Variants in CPPED1 observed in about 807,000 individuals in gnomAD.
CPPED1 encodes the protein calcineurin like phosphoesterase domain containing 1.
Under a neutral mutation model 28.0 loss-of-function variants are expected in CPPED1, and 28 were observed. The observed-to-expected ratio is 1.00, with a 90% CI of 0.74 to 1.37. The LOEUF (loss-of-function observed/expected upper bound fraction) is 1.37, where lower values mean the gene tolerates loss of function less well. Ranked by LOEUF, CPPED1 falls within the 40% of genes most tolerant of loss-of-function variation. The pLI, the probability that CPPED1 is intolerant of heterozygous loss-of-function variation, is 0.00. For synonymous variants in CPPED1, 198 were observed against 180.2 expected, an observed-to-expected ratio of 1.10 and a Z score of -0.79; for missense variants, 504 against 416.5, an observed-to-expected ratio of 1.21 and a Z score of -1.83.
At chr16:12,730,085 C>T (rs2080189519) in intron 2 of CPPED1, among the ~76,000 whole-genome samples, 1 of 152,142 alleles carries the variant, frequency 6.6e-6, no homozygotes, top group South Asian at 2.1e-4. Context: ...TGGTTTCAAA[C>T]TCTTGGCCTG....
chr16:12,678,140 C>A (rs1003447551), intron 3 of CPPED1, among the ~76,000 whole-genome samples: 10 of 152,126 alleles, frequency 6.6e-5, no homozygotes, highest in Admixed American at 4.6e-4. Context: ...AAATAAAAAT[C>A]AAAAAACAGT....
At chr16:12,787,405 C>CTTTTTTTTT (rs57802112) in intron 1 of CPPED1, among the ~76,000 whole-genome samples, 2 of 140,868 alleles carry the variant, frequency 1.4e-5, no homozygotes, top group Non-Finnish European at 3.1e-5. Context: ...ATTTTTCTTT[C>CTTTTTTTTT]TTTTTTTTTT....
At chr16:12,684,738 A>C (rs1369926633) in intron 3 of CPPED1, among the ~76,000 whole-genome samples, 1 of 152,148 alleles carries the variant, frequency 6.6e-6, no homozygotes, top group Non-Finnish European at 1.5e-5. Context: ...GAGCTCCTTA[A>C]GGGCAGAGGC....
intron 2 of CPPED1, among the ~76,000 whole-genome samples, chr16:12,777,903 C>CTTTT (rs67527035): frequency 1.2e-4 from 15 of 126,598 alleles, no homozygotes; most frequent in East Asian, 4.7e-4. Context: ...TTTCTATTTT[C>CTTTT]TTTTTTTTTT....
At chr16:12,768,751 C>T (rs1174672460) in intron 2 of CPPED1, among the ~76,000 whole-genome samples, 1 of 152,138 alleles carries the variant, frequency 6.6e-6, no homozygotes, top group Admixed American at 6.5e-5. Flanking sequence ...GAGGTATTAA[C>T]AACCCCCTTG....
At chr16:12,735,302 AT>A (rs1466216535) in intron 2 of CPPED1, among the ~76,000 whole-genome samples, 3 of 152,064 alleles carry the variant, frequency 2.0e-5, no homozygotes, top group African/African-American at 7.2e-5. Context: ...AAATATATAT[AT>A]TTTTTTTAGA....
At chr16:12,692,738 C>T (rs1244528617) in intron 3 of CPPED1, among the ~76,000 whole-genome samples, 1 of 152,210 alleles carries the variant, frequency 6.6e-6, no homozygotes, top group Non-Finnish European at 1.5e-5. Flanking sequence ...CTGTTCATCT[C>T]CTGCACTTTT....
intron 1 of CPPED1, among the ~76,000 whole-genome samples, chr16:12,783,189 G>C (rs2080542599): frequency 6.6e-6 from 1 of 152,200 alleles, no homozygotes; most frequent in African/African-American, 2.4e-5. Flanking sequence ...CAGATTAAGA[G>C]TGAGGCAACG....
chr16:12,770,238 C>T (rs574238367), intron 2 of CPPED1, among the ~76,000 whole-genome samples: 35 of 152,124 alleles, frequency 2.3e-4, no homozygotes, highest in African/African-American at 6.8e-4. Context: ...GTGCAAATGG[C>T]GCTGAGGCAG....
chr16:12,723,226 G>C (rs1239721779), intron 2 of CPPED1, among the ~76,000 whole-genome samples: 1 of 152,172 alleles, frequency 6.6e-6, no homozygotes, highest in Non-Finnish European at 1.5e-5. Flanking sequence ...TCCCCTAACA[G>C]AGCAGTGGGC....
chr16:12,725,620 C>T (rs1472607531), intron 2 of CPPED1, among the ~76,000 whole-genome samples: 2 of 152,036 alleles, frequency 1.3e-5, no homozygotes, highest in Non-Finnish European at 2.9e-5. Flanking sequence ...CCAGCACAGC[C>T]ACAGAAGGTC....
At chr16:12,736,945 C>G (rs934787955) in intron 2 of CPPED1, among the ~76,000 whole-genome samples, 2 of 151,996 alleles carry the variant, frequency 1.3e-5, no homozygotes, top group African/African-American at 4.8e-5. Flanking sequence ...ATCCCAGCAC[C>G]TTGGGAGGCC....
chr16:12,708,721 C>T (rs2141189725), intron 2 of CPPED1, among the ~76,000 whole-genome samples: 2 of 152,342 alleles, frequency 1.3e-5, no homozygotes, highest in South Asian at 4.1e-4. Context: ...GGGTTACGTA[C>T]TATATTAACA....
rs962221829 is a variant in CPPED1 at position 12,663,863 on chromosome 16, G to A, written c.*1023C>T. On this transcript the variant is annotated 3_prime_UTR_variant, in exon 4 of 4. Transcript: ENST00000381774. Reference sequence around the variant, plus strand: ...CTGCTGAGAAGATGCGGTAAAACAGGTTACATAAAAAACAATGCTGGTTTG... The same window carrying A: ...CTGCTGAGAAGATGCGGTAAAACAGATTACATAAAAAACAATGCTGGTTTG... 1.3e-5 allele frequency: 2 copies of A among 152,160 alleles called. No individual in the cohort carries two copies. The highest frequency in any genetic ancestry group is 4.8e-5 in the African/African-American group (2 of 41,422). The allele number at this position is 152,160 out of a possible 1,614,324, so 9.4% of individuals were successfully genotyped here. A position where few individuals can be genotyped will look rare whatever the true frequency, so the allele number is the denominator to read the frequency against.
At chr16:12,672,457 G>A (rs1376561584) in intron 3 of CPPED1, among the ~76,000 whole-genome samples, 1 of 152,206 alleles carries the variant, frequency 6.6e-6, no homozygotes, top group African/African-American at 2.4e-5. Context: ...TAATTTACAT[G>A]TACTGGCACC....
At chr16:12,741,241 T>C (rs2080253574) in intron 2 of CPPED1, among the ~76,000 whole-genome samples, 1 of 151,322 alleles carries the variant, frequency 6.6e-6, no homozygotes. Flanking sequence ...ACACTCAGAA[T>C]GGTTTCACAT....
At chr16:12,688,118 C>A (rs75584212) in intron 3 of CPPED1, among the ~76,000 whole-genome samples, 1,530 of 151,750 alleles carry the variant, frequency 0.01, 37 homozygotes, top group African/African-American at 0.035. Context: ...CAGCCTCGAC[C>A]ACCCCAGGCT....
rs574827944 is a variant in CPPED1 at position 12,786,550 on chromosome 16, T to C, written c.71-5147A>G. On this transcript the variant is annotated intron_variant, in intron 1 of 3. Transcript: ENST00000381774. ...GATTTGGCCCTAAATATTTCTTATT[T>C]CTCTGTATTATTCATTACTATCTAG... is the stretch of plus-strand genomic sequence containing the variant. Among the ~76,000 whole-genome samples the C allele has an allele frequency of 2.0e-5, 3 of 152,300 alleles. No homozygotes were observed. In the South Asian group the frequency reaches 6.2e-4, roughly 32 times the overall value.
chr16:12,775,327 T>C (rs1268465638), intron 2 of CPPED1, among the ~76,000 whole-genome samples: 5 of 152,168 alleles, frequency 3.3e-5, no homozygotes, highest in Non-Finnish European at 5.9e-5. Context: ...GTTCCAGATA[T>C]TCCATTATAA....
Sources: gnomAD v4.1 joint callset for allele counts (sites outside exome capture counted in the v4.1 genomes callset) on GRCh38, gnomAD v4.1.1 for gene constraint, MANE v1.5 for transcripts, NCBI Gene and HGNC (gene_info 2026-07-23, HGNC 2026-07-21) for gene names.